NET1: variants seen among roughly 807,000 people sequenced by gnomAD.
The protein encoded by NET1 is neuroepithelial cell-transforming gene 1 protein.
In NET1, 42 loss-of-function variants were observed where a neutral mutation model predicts 61.1. That is an observed-to-expected ratio of 0.69 (90% CI 0.54 to 0.89). The LOEUF (loss-of-function observed/expected upper bound fraction) is 0.89, where lower values mean the gene tolerates loss of function less well. NET1 is among the 40% of genes least tolerant of loss of function. The pLI is 0.00. For missense variants in NET1, 654 were observed against 747.3 expected, an observed-to-expected ratio of 0.88 and a Z score of 1.46; for synonymous variants, 254 against 281.8, an observed-to-expected ratio of 0.90 and a Z score of 0.99.
intron 3 of NET1, among the ~76,000 whole-genome samples, chr10:5,445,905 A>G (rs1437500066): frequency 1.3e-5 from 2 of 152,234 alleles, no homozygotes; most frequent in East Asian, 1.9e-4. Flanking sequence ...ACACAATTAC[A>G]TACTATGTAT....
At position 5,456,698 on chromosome 10, in the gene NET1, G is replaced by T. The variant is rs769549692; in HGVS notation, c.1495G>T (p.Ala499Ser). The T allele has an allele frequency of 5.0e-6, 8 of 1,614,084 alleles. No homozygotes were observed. The highest frequency in any genetic ancestry group is 6.8e-6 in the Non-Finnish European group (8 of 1,180,026). The change falls in exon 12 of 12, where the codon GCC becomes TCC. Residue 499 changes from alanine (A) to serine (S), a missense_variant. Transcript: ENST00000355029. The surrounding 1 kb of genome is among the most constrained non-coding windows in gnomAD (Gnocchi z 7.0). ...GCAGTGGTTCAACTGTATTCGAGCG[G>T]CCATTGCCCCCTTCCAGTCGGCAGG... ...KQQWFNCIRA[A>S]IAPFQSAGSP...
chr10:5,420,742 A>T lies in NET1; in HGVS notation c.129-5913A>T, dbSNP rs1311396417. On this transcript the variant is annotated intron_variant, in intron 1 of 11. Coordinates refer to ENST00000355029, the MANE Select transcript of NET1 (RefSeq NM_001047160.3). The surrounding 1 kb of genome is among the most constrained non-coding windows in gnomAD (Gnocchi z 5.3). ...TCCCGAGTAACTGGGATTACAGGCA[A>T]GCGCCACCACGCCCAGCTAATTTTT... Among the ~76,000 whole-genome samples, 2 of 151,930 alleles carry T rather than the reference A, an allele frequency of 1.3e-5. No homozygotes were observed. The highest frequency in any genetic ancestry group is 2.4e-5 in the African/African-American group (1 of 41,382).
rs1832786870 is a variant in NET1 at position 5,455,786 on chromosome 10, T to C, written c.1198-301T>C. 3.3e-5 allele frequency among the ~76,000 whole-genome samples: 5 copies of C among 152,204 alleles called. No homozygotes were observed. The South Asian group carries it at 1.0e-3, about 32-fold the overall frequency. ...AAAACTGTGGTATACAACGCTAGTG[T>C]TTCAAGTCATGTTGCTACTAATAGG... On this transcript the variant is annotated intron_variant, in intron 10 of 11. Coordinates refer to ENST00000355029, the MANE Select transcript of NET1 (RefSeq NM_001047160.3). This position sits in a 1 kb window ranked among gnomAD's most constrained non-coding sequence, Gnocchi z 6.5.
At position 5,440,194 on chromosome 10, in the gene NET1, G is replaced by A. The variant is rs568806918; in HGVS notation, c.255+10965G>A. Among the ~76,000 whole-genome samples, 8 of 152,264 alleles carry A rather than the reference G, an allele frequency of 5.3e-5. No individual in the cohort carries two copies. In the South Asian group the frequency reaches 8.3e-4, roughly 16 times the overall value. ...CTGTATGATGTTCTGTGAAATATCC[G>A]GTCCTTGCCGACTTTGTGACAGAAA... On this transcript the variant is annotated intron_variant, in intron 3 of 11. Transcript: ENST00000355029. The surrounding 1 kb of genome is among the most constrained non-coding windows in gnomAD (Gnocchi z 4.1).
At chr10:5,429,268 A>G (rs1588427766) in intron 3 of NET1, 39 bp downstream of exon 3, 1 of 1,372,008 alleles carries the variant, frequency 7.3e-7, no homozygotes, top group East Asian at 2.3e-5. Context: ...GCATTTAAAA[A>G]TATGCAGATA....
At chr10:5,430,376 C>CTTTT (rs34200273) in intron 3 of NET1, among the ~76,000 whole-genome samples, 2 of 139,868 alleles carry the variant, frequency 1.4e-5, no homozygotes, top group Non-Finnish European at 1.5e-5. Context: ...TAGATAAAAA[C>CTTTT]TTTTTTTTTT....
chr10:5,430,757 T>C (rs1394491202), intron 3 of NET1, among the ~76,000 whole-genome samples: 1 of 152,166 alleles, frequency 6.6e-6, no homozygotes, highest in Non-Finnish European at 1.5e-5. Flanking sequence ...TGCATTTTCT[T>C]GATCTTGTTT....
rs1302748664 is a variant in NET1, at chr10:5,431,891, A to G, written c.255+2662A>G. On this transcript the variant is annotated intron_variant, in intron 3 of 11. Transcript: ENST00000355029. This position sits in a 1 kb window ranked among gnomAD's most constrained non-coding sequence, Gnocchi z 4.9. Reference sequence around the variant, plus strand: ...AGTGCTGGGATTACAGGCATGAGCCACCACGCCTGGCCTCATTTCAGTTAT... The same window carrying G: ...AGTGCTGGGATTACAGGCATGAGCCGCCACGCCTGGCCTCATTTCAGTTAT... 6.6e-6 allele frequency among the ~76,000 whole-genome samples: 1 copy of G among 152,158 alleles called. No individual in the cohort carries two copies. The highest frequency in any genetic ancestry group is 1.5e-5 in the Non-Finnish European group (1 of 68,022).
chr10:5,434,740 T>C (rs1239963964), intron 3 of NET1, among the ~76,000 whole-genome samples: 5 of 151,210 alleles, frequency 3.3e-5, no homozygotes, highest in Non-Finnish European at 5.9e-5. Flanking sequence ...TTTTTTTTTT[T>C]CTTTAAAAGT....
rs1190329246 is a variant in NET1, at chr10:5,421,290, A to T, written c.129-5365A>T. Among the ~76,000 whole-genome samples, 1 of 152,188 alleles carries T rather than the reference A, an allele frequency of 6.6e-6. No individual in the cohort carries two copies. Among genetic ancestry groups the T allele is most frequent in the Non-Finnish European group, 1.5e-5 (1 of 68,030 alleles). Reference sequence around the variant, plus strand: ...TCGGGGCCTTAGGGAAAGCCATAGAACTTTACATATCACCCATATGGCAGA... The same window carrying T: ...TCGGGGCCTTAGGGAAAGCCATAGATCTTTACATATCACCCATATGGCAGA... On this transcript the variant is annotated intron_variant, in intron 1 of 11. Coordinates refer to ENST00000355029, the MANE Select transcript of NET1 (RefSeq NM_001047160.3). This position sits in a 1 kb window ranked among gnomAD's most constrained non-coding sequence, Gnocchi z 4.2.
rs534444554 is a variant in NET1 at position 5,415,525 on chromosome 10, C to T, written c.128+2705C>T. Among the ~76,000 whole-genome samples the T allele has an allele frequency of 3.9e-5, 6 of 152,016 alleles. No homozygotes were observed. Among genetic ancestry groups the T allele is most frequent in the South Asian group, 2.1e-4 (1 of 4,810 alleles). On this transcript the variant is annotated intron_variant, in intron 1 of 11. Transcript: ENST00000355029. The surrounding 1 kb of genome is among the most constrained non-coding windows in gnomAD (Gnocchi z 4.7). ...CATGATCTCGGCTCACTGCAACCTC[C>T]GCCTCCCGGGTTCAAGTGATTCTCC... is the stretch of plus-strand genomic sequence containing the variant.
Position 5,458,009 on chromosome 10 carries a change from T to C in NET1, c.*1015T>C, listed in dbSNP as rs1832835662. On this transcript the variant is annotated 3_prime_UTR_variant, in exon 12 of 12. Coordinates refer to ENST00000355029, the MANE Select transcript of NET1 (RefSeq NM_001047160.3). The surrounding 1 kb of genome is among the most constrained non-coding windows in gnomAD (Gnocchi z 4.5). ...TAGTTTTGTCTTCAAGTAAAATGTC[T>C]GGTTGTGCCAGACATTTCACAAGTG... The C allele has an allele frequency of 6.6e-6, 1 of 152,248 alleles. No homozygotes were observed. The highest frequency in any genetic ancestry group is 1.5e-5 in the Non-Finnish European group (1 of 68,034). The allele number at this position is 152,248 out of a possible 1,614,324, so 9.4% of individuals were successfully genotyped here.
Position 5,456,568 on chromosome 10 carries a change from T to C in NET1, c.1385-20T>C. 1 of 1,516,924 alleles carries C rather than the reference T, an allele frequency of 6.6e-7. No individual in the cohort carries two copies. The highest frequency in any genetic ancestry group is 8.8e-7 in the Non-Finnish European group (1 of 1,133,356). The allele number at this position is 1,516,924 out of a possible 1,614,324, so 94.0% of individuals were successfully genotyped here. The stretch of plus-strand genomic sequence containing the variant: ...TTTTTTTAGCCTGATTTCTTTTTTT[T>C]TTCCAATTTTTTTTTTCAGCTAAAA... On this transcript the variant is annotated intron_variant, in intron 11 of 11. Transcript: ENST00000355029. This position sits in a 1 kb window ranked among gnomAD's most constrained non-coding sequence, Gnocchi z 7.0.
Position 5,447,461 on chromosome 10 carries a change from T to C in NET1, c.256-4369T>C, listed in dbSNP as rs4881450. On this transcript the variant is annotated intron_variant, in intron 3 of 11. Coordinates refer to ENST00000355029, the MANE Select transcript of NET1 (RefSeq NM_001047160.3). The surrounding 1 kb of genome is among the most constrained non-coding windows in gnomAD (Gnocchi z 4.1). ...AATCAAATTACTTTATGCCATTTTA[T>C]GTAATCTTGATTTAACATTGTGTGA... Among the ~76,000 whole-genome samples the C allele has an allele frequency of 0.71, 107,440 of 152,074 alleles. 38,223 individuals carry two copies. The highest frequency in any genetic ancestry group is 0.82 in the East Asian group (4,270 of 5,184).
rs1299228527 is a variant in NET1 at position 5,457,530 on chromosome 10, T to A, written c.*536T>A. The A allele has an allele frequency of 6.6e-6, 1 of 152,610 alleles. No homozygotes were observed. The highest frequency in any genetic ancestry group is 1.5e-5 in the Non-Finnish European group (1 of 68,030). 9.5% of individuals were successfully genotyped at this position (152,610 alleles called of 1,614,324 possible). ...CTGAGGAGGTTTTTATCAACTGGAA[T>A]GCTTTATATTAGTTTGTTTTTCACT... On this transcript the variant is annotated 3_prime_UTR_variant, in exon 12 of 12. Coordinates refer to ENST00000355029, the MANE Select transcript of NET1 (RefSeq NM_001047160.3). This position sits in a 1 kb window ranked among gnomAD's most constrained non-coding sequence, Gnocchi z 5.4.
Position 5,416,191 on chromosome 10 carries a change from C to G in NET1, c.128+3371C>G, listed in dbSNP as rs1832080222. 6.6e-6 allele frequency among the ~76,000 whole-genome samples: 1 copy of G among 152,182 alleles called. No individual in the cohort carries two copies. The highest frequency in any genetic ancestry group is 1.9e-4 in the East Asian group (1 of 5,200). On this transcript the variant is annotated intron_variant, in intron 1 of 11. Transcript: ENST00000355029. The surrounding 1 kb of genome is among the most constrained non-coding windows in gnomAD (Gnocchi z 6.1). Reference sequence around the variant, plus strand: ...TAGTCTTAGCACCCTTGTCAAAAATCAGTTGACCTTAAGCATGAGAGTTTA... The same window carrying G: ...TAGTCTTAGCACCCTTGTCAAAAATGAGTTGACCTTAAGCATGAGAGTTTA...
In NET1 at chr10:5,455,009, A is replaced by T; in HGVS notation, c.1088A>T (p.Gln363Leu). 5.6e-6 allele frequency: 9 copies of T among 1,614,152 alleles called. No homozygotes were observed. Among genetic ancestry groups the T allele is most frequent in the Non-Finnish European group, 7.6e-6 (9 of 1,179,996 alleles). The change falls in exon 10 of 12, where the codon CAG (glutamine) becomes CTG (leucine). Residue 363 changes from glutamine (Q) to leucine (L), a missense_variant. Coordinates refer to ENST00000355029, the MANE Select transcript of NET1 (RefSeq NM_001047160.3). The surrounding 1 kb of genome is among the most constrained non-coding windows in gnomAD (Gnocchi z 6.5). ...INLKKGESEC[Q>L]YYIDKLEYLD... Reference sequence around the variant, plus strand: ...TTGAAGAAAGGTGAATCCGAGTGCCAGTATTACATCGACAAGCTGGAGTAC... The same window carrying T: ...TTGAAGAAAGGTGAATCCGAGTGCCTGTATTACATCGACAAGCTGGAGTAC...
rs1467480404 is a variant in NET1, at chr10:5,412,767, G to A, written c.75G>A (p.Thr25=). 1.4e-6 allele frequency: 2 copies of A among 1,468,866 alleles called. No individual in the cohort carries two copies. Among genetic ancestry groups the A allele is most frequent in the Non-Finnish European group, 1.8e-6 (2 of 1,114,306 alleles). 91.0% of individuals were successfully genotyped at this position (1,468,866 alleles called of 1,614,324 possible). The change falls in exon 1 of 12, where the codon ACG becomes ACA. Residue 25 remains threonine, a synonymous_variant. Transcript: ENST00000355029. The surrounding 1 kb of genome is among the most constrained non-coding windows in gnomAD (Gnocchi z 6.5). ...RRSRRASGLS[T]EGATGPSADT... ...GCCGCCGGGCCTCTGGGCTCAGCAC[G>A]GAGGGAGCGACGGGGCCTTCGGCCG...
In NET1 at chr10:5,422,833, G is replaced by C. The variant is rs1046850122; in HGVS notation, c.129-3822G>C. Among the ~76,000 whole-genome samples, 5 of 152,228 alleles carry C rather than the reference G, an allele frequency of 3.3e-5. No individual in the cohort carries two copies. The highest frequency in any genetic ancestry group is 1.3e-4 in the Admixed American group (2 of 15,286). On this transcript the variant is annotated intron_variant, in intron 1 of 11. Transcript: ENST00000355029. The surrounding 1 kb of genome is among the most constrained non-coding windows in gnomAD (Gnocchi z 4.1). ...ACAGTAGTGGATGTCTACTACATCA[G>C]ATATTTGACCCAAATAAATGAATTG...
Sources: gnomAD v4.1 joint callset for allele counts (sites outside exome capture counted in the v4.1 genomes callset) on GRCh38, gnomAD v4.1.1 for gene constraint, Gnocchi (gnomAD v3.1) non-coding constraint, MANE v1.5 for transcripts, NCBI Gene and HGNC (gene_info 2026-07-23, HGNC 2026-07-21) for gene names.